Variants in PAK1 observed in about 807,000 individuals in gnomAD.
The protein encoded by PAK1 is serine/threonine-protein kinase PAK 1.
PAK1 carries 29 observed loss-of-function variants against 67.4 expected under a neutral mutation model. The ratio of observed to expected loss-of-function variants is 0.43; its 90% CI spans 0.32 to 0.59. The LOEUF (loss-of-function observed/expected upper bound fraction) is 0.59. Ranked by LOEUF, PAK1 falls within the 20% of genes least tolerant of loss-of-function variation. PAK1 has a pLI of 0.07. For synonymous variants in PAK1, 223 were observed against 237.4 expected (o/e 0.94, Z 0.56); for missense variants, 337 against 670.7 (o/e 0.50, Z 5.50).
At chr11:77,373,330 T>C (rs1184368765) in intron 5 of PAK1, among the ~76,000 whole-genome samples, 4 of 151,438 alleles carry the variant, frequency 2.6e-5, no homozygotes, top group Admixed American at 1.3e-4. Context: ...AAGCCAGGAG[T>C]TTGAGAACAC....
At chr11:77,489,506 C>G in the PAK1 span, among the ~76,000 whole-genome samples, 4 of 152,058 alleles carry the variant, frequency 2.6e-5, no homozygotes, top group Non-Finnish European at 2.9e-5. Flanking sequence ...CAAGCCGAAG[C>G]TGGACTGTAC....
At chr11:77,483,416 C>T in the PAK1 span, among the ~76,000 whole-genome samples, 2 of 152,152 alleles carry the variant, frequency 1.3e-5, no homozygotes, top group African/African-American at 4.8e-5. Context: ...AAATTTAGCA[C>T]ACCAGTCTAT....
intron 1 of PAK1, among the ~76,000 whole-genome samples, chr11:77,432,528 T>A (rs755153529): frequency 1.3e-5 from 2 of 152,132 alleles, no homozygotes; most frequent in African/African-American, 4.8e-5. Flanking sequence ...TGTGGTGGCA[T>A]GCACCTGTAG....
chr11:77,462,031 T>G (rs1957369158), intron 1 of PAK1, among the ~76,000 whole-genome samples: 2 of 152,118 alleles, frequency 1.3e-5, no homozygotes, highest in Non-Finnish European at 2.9e-5. Context: ...CTTTAAGAAT[T>G]TTCCACATCT....
At chr11:77,396,469 C>T (rs1205681066) in intron 1 of PAK1, among the ~76,000 whole-genome samples, 1 of 152,190 alleles carries the variant, frequency 6.6e-6, no homozygotes, top group African/African-American at 2.4e-5. Flanking sequence ...ACCTCAAGAA[C>T]AAAGTTCATG....
At chr11:77,484,312 C>G in the PAK1 span, among the ~76,000 whole-genome samples, 1 of 151,480 alleles carries the variant, frequency 6.6e-6, no homozygotes, top group African/African-American at 2.4e-5. Context: ...GTGGCTTCAA[C>G]AATCAGCTGC....
intron 2 of PAK1, among the ~76,000 whole-genome samples, chr11:77,389,953 A>C (rs1411598250): frequency 6.6e-6 from 1 of 152,230 alleles, no homozygotes; most frequent in Non-Finnish European, 1.5e-5. Flanking sequence ...CTTTCACTAC[A>C]TGTAGACACT....
At chr11:77,406,538 G>C (rs1247448564) in intron 1 of PAK1, among the ~76,000 whole-genome samples, 1 of 152,172 alleles carries the variant, frequency 6.6e-6, no homozygotes, top group African/African-American at 2.4e-5. Flanking sequence ...GCACTTTGGG[G>C]AGGCTGAGGT....
At chr11:77,446,350 A>G (rs1343500113) in intron 1 of PAK1, among the ~76,000 whole-genome samples, 1 of 151,990 alleles carries the variant, frequency 6.6e-6, no homozygotes, top group Admixed American at 6.6e-5. Context: ...TGAATCTACT[A>G]AAAATACAAA....
intron 8 of PAK1, among the ~76,000 whole-genome samples, chr11:77,350,621 A>T (rs971149679): frequency 6.6e-6 from 1 of 152,180 alleles, no homozygotes; most frequent in African/African-American, 2.4e-5. Flanking sequence ...CTCTATTACA[A>T]GACTGCTTCC....
At chr11:77,343,992 T>A in intron 9 of PAK1, 61 bp from the exon 10 acceptor site, 2 of 1,054,706 alleles carry the variant, frequency 1.9e-6, no homozygotes, top group Non-Finnish European at 3.0e-6. Flanking sequence ...GAGCACCTGC[T>A]AAGTACCAGA....
At chr11:77,342,137 T>C (rs1357527967) in intron 10 of PAK1, among the ~76,000 whole-genome samples, 1 of 152,210 alleles carries the variant, frequency 6.6e-6, no homozygotes, top group Non-Finnish European at 1.5e-5. Flanking sequence ...AGTTCCCCTC[T>C]GGGACATCTC....
At chr11:77,436,576 G>T (rs150282785) in intron 1 of PAK1, among the ~76,000 whole-genome samples, 50 of 152,266 alleles carry the variant, frequency 3.3e-4, no homozygotes, top group Non-Finnish European at 6.5e-4. Flanking sequence ...GGAATACTGT[G>T]AACAAAACAG....
intron 1 of PAK1, among the ~76,000 whole-genome samples, chr11:77,429,965 C>T (rs1048874937): frequency 6.6e-6 from 1 of 152,098 alleles, no homozygotes; most frequent in African/African-American, 2.4e-5. Context: ...TTTGATATCG[C>T]TTTTTAAATT....
At position 77,398,713 on chromosome 11, in the gene PAK1, G is replaced by A. The variant is rs147206181; in HGVS notation, c.-21-6172C>T. ...GTAGATACCCAGCTGTGGGATTGCT[G>A]GATCATACGATAGGTCTATCTTTAG... On this transcript the variant is annotated intron_variant, in intron 1 of 14. Coordinates refer to ENST00000356341, the MANE Select transcript of PAK1 (RefSeq NM_002576.5). Among the ~76,000 whole-genome samples, 311 of 152,230 alleles carry A rather than the reference G, an allele frequency of 2.0e-3. 3 individuals carry two copies. The highest frequency in any genetic ancestry group is 7.2e-3 in the African/African-American group (297 of 41,532).
intron 4 of PAK1, among the ~76,000 whole-genome samples, chr11:77,375,165 A>G (rs1267809261): frequency 1.3e-5 from 2 of 152,236 alleles, no homozygotes; most frequent in Non-Finnish European, 2.9e-5. Context: ...CAGGTTAAAG[A>G]GAGGAATTAG....
At chr11:77,352,201 G>A (rs1945347989) in intron 8 of PAK1, among the ~76,000 whole-genome samples, 1 of 151,962 alleles carries the variant, frequency 6.6e-6, no homozygotes, top group African/African-American at 2.4e-5. Context: ...ATTCCTTCAT[G>A]CCTATTCCCA....
chr11:77,520,909 A>C, the PAK1 span, among the ~76,000 whole-genome samples: 1 of 152,116 alleles, frequency 6.6e-6, no homozygotes, highest in Non-Finnish European at 1.5e-5. Context: ...AGTCCTGGCA[A>C]CTGTGACAGG....
At chr11:77,431,458 T>C (rs555738639) in intron 1 of PAK1, among the ~76,000 whole-genome samples, 1 of 152,288 alleles carries the variant, frequency 6.6e-6, no homozygotes, top group Non-Finnish European at 1.5e-5. Context: ...GAAAAACATG[T>C]ACTCCTAATA....
Sources: allele counts gnomAD v4.1 joint callset (sites outside exome capture counted in the v4.1 genomes callset), GRCh38; gene constraint gnomAD v4.1.1; transcripts MANE v1.5; gene names NCBI Gene and HGNC (gene_info 2026-07-23, HGNC 2026-07-21).